Variants in ZNF654 observed in about 807,000 individuals in gnomAD.
ZNF654 encodes melanoma-associated antigen.
A neutral mutation model predicts 95.3 loss-of-function variants in ZNF654; 19 were observed. That is an observed-to-expected ratio of 0.20 (90% CI 0.14 to 0.29). ZNF654 has a LOEUF of 0.29. ZNF654 is among the 10% of genes least tolerant of loss of function. The pLI is 1.00. For synonymous variants in ZNF654, 413 were observed against 457.9 expected, an observed-to-expected ratio of 0.90 and a Z score of 1.25; for missense variants, 1,046 against 1,341.0, an observed-to-expected ratio of 0.78 and a Z score of 3.44.
At position 88,140,897 on chromosome 3, in the gene ZNF654, C is replaced by T; in HGVS notation, c.3228C>T (p.Ala1076=). ...AATTTCTGACTGATAGAGTAGATGC[C>T]TGTTCTGATCAAGATAACGTGTATA... The part of the protein sequence containing the change: ...RRKFLTDRVD[A]CSDQDNVYKK... Residue 1076 remains alanine (A), a synonymous_variant, in exon 8 of 9, where the codon GCC becomes GCT. Transcript: ENST00000636215. 6.2e-7 allele frequency: 1 copy of T among 1,613,556 alleles called. No homozygotes were observed. The highest frequency in any genetic ancestry group is 1.1e-5 in the South Asian group (1 of 91,064).
At chr3:88,094,278 C>T (rs1395800925) in intron 2 of ZNF654, among the ~76,000 whole-genome samples, 1 of 152,072 alleles carries the variant, frequency 6.6e-6, no homozygotes, top group Non-Finnish European at 1.5e-5. Flanking sequence ...TCGTTAGAAA[C>T]TTAGTATTGC....
intron 5 of ZNF654, 83 bp downstream of exon 5, chr3:88,129,094 T>C: frequency 1.0e-6 from 1 of 998,868 alleles, no homozygotes; most frequent in South Asian, 1.7e-5. Flanking sequence ...CCACTGTTGT[T>C]GTTAAATTCC....
intron 2 of ZNF654, among the ~76,000 whole-genome samples, chr3:88,104,968 G>C (rs568840348): frequency 2.0e-5 from 3 of 152,134 alleles, no homozygotes; most frequent in Non-Finnish European, 4.4e-5. Context: ...GTGAAACCCT[G>C]TCTCTACTAA....
chr3:88,105,652 G>A (rs1457177088), intron 2 of ZNF654, among the ~76,000 whole-genome samples: 2 of 152,108 alleles, frequency 1.3e-5, no homozygotes, highest in African/African-American at 4.8e-5. Flanking sequence ...ATCTGGCCTT[G>A]TATATCTCTG....
chr3:88,094,510 C>T (rs1404918994), intron 2 of ZNF654, among the ~76,000 whole-genome samples: 1 of 152,016 alleles, frequency 6.6e-6, no homozygotes, highest in African/African-American at 2.4e-5. Flanking sequence ...ATCTAGAGGG[C>T]TGTAGATGTG....
At chr3:88,123,496 C>T (rs1705905937) in intron 3 of ZNF654, among the ~76,000 whole-genome samples, 1 of 151,944 alleles carries the variant, frequency 6.6e-6, no homozygotes, top group African/African-American at 2.4e-5. Flanking sequence ...TAAAAGTGTC[C>T]CATAGTTGCC....
intron 2 of ZNF654, among the ~76,000 whole-genome samples, chr3:88,102,987 C>G (rs1013494555): frequency 1.3e-5 from 2 of 151,952 alleles, no homozygotes; most frequent in African/African-American, 4.8e-5. Context: ...TACCCTCTGC[C>G]CCACTAGTAG....
Position 88,139,854 on chromosome 3 carries a change from G to A in ZNF654, c.2185G>A (p.Gly729Arg). The change falls in exon 8 of 9, where the codon GGA (glycine) becomes AGA (arginine). Residue 729 changes from glycine to arginine, a missense_variant. Transcript: ENST00000636215. The part of the protein sequence containing the change: ...QETSVIHKIN[G>R]TVCHPKDIYA... ...AACTTCAGTAATTCATAAAATCAAT[G>A]GAACTGTGTGCCATCCAAAAGACAT... is the stretch of plus-strand genomic sequence containing the variant. The A allele has an allele frequency of 6.3e-7, 1 of 1,595,178 alleles. No homozygotes were observed. The highest frequency in any genetic ancestry group is 8.5e-7 in the Non-Finnish European group (1 of 1,170,186).
chr3:88,065,175 T>C (rs1229475379), intron 1 of ZNF654, among the ~76,000 whole-genome samples: 2 of 152,206 alleles, frequency 1.3e-5, no homozygotes, highest in Non-Finnish European at 2.9e-5. Flanking sequence ...TCATAAAAGG[T>C]GAATTCCCTG....
chr3:88,106,643 C>CT (rs1020597619), intron 2 of ZNF654, among the ~76,000 whole-genome samples: 2 of 151,990 alleles, frequency 1.3e-5, no homozygotes, highest in Non-Finnish European at 1.5e-5. Context: ...GGCCTCGGCC[C>CT]TTTTTTTCAT....
intron 1 of ZNF654, among the ~76,000 whole-genome samples, chr3:88,068,826 A>T (rs1707343966): frequency 6.6e-6 from 1 of 152,152 alleles, no homozygotes; most frequent in Non-Finnish European, 1.5e-5. Context: ...TCCTGTACCT[A>T]GTATGTGATA....
chr3:88,111,851 C>T (rs949234459), intron 2 of ZNF654, among the ~76,000 whole-genome samples: 4 of 151,860 alleles, frequency 2.6e-5, no homozygotes, highest in Admixed American at 2.6e-4. Context: ...CTTTTATTTT[C>T]ATAAATATGA....
At chr3:88,105,226 A>G (rs542914628) in intron 2 of ZNF654, among the ~76,000 whole-genome samples, 1 of 152,326 alleles carries the variant, frequency 6.6e-6, no homozygotes, top group Admixed American at 6.5e-5. Context: ...AGGTCCAACT[A>G]ACAAATAACA....
At chr3:88,082,115 T>C (rs921018230) in intron 1 of ZNF654, among the ~76,000 whole-genome samples, 13 of 151,986 alleles carry the variant, frequency 8.6e-5, no homozygotes, top group African/African-American at 3.1e-4. Flanking sequence ...ACACGTCTTC[T>C]GGTTTGTTAA....
At chr3:88,110,700 C>T (rs1416631939) in intron 2 of ZNF654, among the ~76,000 whole-genome samples, 3 of 152,032 alleles carry the variant, frequency 2.0e-5, no homozygotes, top group Non-Finnish European at 4.4e-5. Context: ...GAGAGCTATA[C>T]AAGTTGATCT....
intron 1 of ZNF654, among the ~76,000 whole-genome samples, chr3:88,064,299 G>T (rs536684005): frequency 1.3e-5 from 2 of 152,120 alleles, no homozygotes; most frequent in Non-Finnish European, 2.9e-5. Context: ...ACAGGAAGGA[G>T]ATAGGGACTA....
intron 4 of ZNF654, 102 bp from the exon 5 acceptor site, chr3:88,128,707 A>T: frequency 1.3e-6 from 1 of 764,040 alleles, no homozygotes; most frequent in Non-Finnish European, 2.0e-6. Context: ...TTAAGTAGTT[A>T]AATCTAATTA....
chr3:88,090,576 T>A (rs4621352), intron 2 of ZNF654, among the ~76,000 whole-genome samples: 77 of 152,134 alleles, frequency 5.1e-4, no homozygotes, highest in Admixed American at 1.0e-3. Context: ...AGAAAAAAAT[T>A]TTTATAAGTG....
intron 8 of ZNF654, 61 bp from the exon 9 acceptor site, chr3:88,141,584 A>G: frequency 7.7e-7 from 1 of 1,305,800 alleles, no homozygotes; most frequent in South Asian, 1.7e-5. Flanking sequence ...CAGGAATCTG[A>G]CTTGGAATTC....
Sources: gnomAD v4.1 joint callset for allele counts (sites outside exome capture counted in the v4.1 genomes callset) on GRCh38, gnomAD v4.1.1 for gene constraint, MANE v1.5 for transcripts, NCBI Gene and HGNC (gene_info 2026-07-23, HGNC 2026-07-21) for gene names.